Variants in BCAS3 observed in about 807,000 individuals in gnomAD.
The protein encoded by BCAS3 is BCAS3 microtubule associated cell migration factor.
Under a neutral mutation model 116.1 loss-of-function variants are expected in BCAS3, and 53 were observed. The observed-to-expected ratio is 0.46, with a 90% CI of 0.37 to 0.57. BCAS3 has a LOEUF of 0.57. BCAS3 is among the 20% of genes least tolerant of loss of function. BCAS3 has a pLI of 0.00. For synonymous variants in BCAS3, 391 were observed against 408.2 expected, an observed-to-expected ratio of 0.96 and a Z score of 0.51; for missense variants, 917 against 1,165.4, an observed-to-expected ratio of 0.79 and a Z score of 3.10.
At chr17:60,876,047 A>G (rs542069456) in intron 9 of BCAS3, among the ~76,000 whole-genome samples, 3 of 152,190 alleles carry the variant, frequency 2.0e-5, no homozygotes, top group African/African-American at 4.8e-5. Context: ...CCAAGTGATT[A>G]TATAATTATC....
At chr17:61,153,743 G>A (rs2077671563) in intron 22 of BCAS3, among the ~76,000 whole-genome samples, 1 of 151,712 alleles carries the variant, frequency 6.6e-6, no homozygotes, top group Non-Finnish European at 1.5e-5. Context: ...TCGTTTGTTT[G>A]GCTAAACTTT....
chr17:61,319,409 G>A (rs2055009670), intron 22 of BCAS3, among the ~76,000 whole-genome samples: 1 of 152,104 alleles, frequency 6.6e-6, no homozygotes, highest in African/African-American at 2.4e-5. Flanking sequence ...AATTCTGCTG[G>A]GATTAGTATG....
At position 61,279,481 on chromosome 17, in the gene BCAS3, C is replaced by T. The variant is rs1183766069; in HGVS notation, c.2426-88846C>T. ...TTCTTGAAGAGCAGCTTCTGCCTAGCCCATGGTGGCTAAGAGATTCACAAG... is the reference window on the plus strand; with the variant it reads ...TTCTTGAAGAGCAGCTTCTGCCTAGTCCATGGTGGCTAAGAGATTCACAAG... On this transcript the variant is annotated intron_variant, in intron 22 of 23. Transcript: ENST00000407086. This position sits in a 1 kb window ranked among gnomAD's most constrained non-coding sequence, Gnocchi z 4.4. 2.6e-5 allele frequency among the ~76,000 whole-genome samples: 4 copies of T among 152,062 alleles called. No individual in the cohort carries two copies.
At chr17:60,998,046 T>C (rs538772868) in intron 15 of BCAS3, among the ~76,000 whole-genome samples, 2 of 152,298 alleles carry the variant, frequency 1.3e-5, no homozygotes, top group East Asian at 3.9e-4. Flanking sequence ...CATCTTTGTG[T>C]CTGTATACAC....
chr17:61,195,474 C>G (rs2080422694), intron 22 of BCAS3, among the ~76,000 whole-genome samples: 1 of 152,174 alleles, frequency 6.6e-6, no homozygotes, highest in Non-Finnish European at 1.5e-5. Context: ...ATCCTCCTAC[C>G]TCAGCCTCCC....
intron 15 of BCAS3, among the ~76,000 whole-genome samples, chr17:60,991,766 A>G (rs993602417): frequency 6.6e-6 from 1 of 151,894 alleles, no homozygotes; most frequent in Admixed American, 6.6e-5. Context: ...TTAAGCACTT[A>G]CTCCTCATTC....
At chr17:61,033,052 G>A (rs1157850503) in intron 16 of BCAS3, among the ~76,000 whole-genome samples, 1 of 152,140 alleles carries the variant, frequency 6.6e-6, no homozygotes, top group African/African-American at 2.4e-5. Context: ...AAATGTCATA[G>A]GAACTGGGAA....
chr17:60,826,845 A>G (rs555019005), intron 7 of BCAS3, among the ~76,000 whole-genome samples: 2 of 152,346 alleles, frequency 1.3e-5, no homozygotes, highest in African/African-American at 2.4e-5. Flanking sequence ...AAAGAAGCCC[A>G]CAAAACAAAT....
intron 22 of BCAS3, among the ~76,000 whole-genome samples, chr17:61,169,638 CAG>C (rs1303126092): frequency 1.3e-5 from 2 of 152,106 alleles, no homozygotes; most frequent in South Asian, 2.1e-4. Context: ...TATAAATAAA[CAG>C]AAAGTCAGAA....
Position 61,316,824 on chromosome 17 carries a change from A to G in BCAS3, c.2426-51503A>G, listed in dbSNP as rs1205299229. The stretch of plus-strand genomic sequence containing the variant: ...TCATGTACAATAATTCCTGCCATGT[A>G]GGTTTATTAAATTAACAGTTGCAAT... On this transcript the variant is annotated intron_variant, in intron 22 of 23. Transcript: ENST00000407086. The surrounding 1 kb of genome is among the most constrained non-coding windows in gnomAD (Gnocchi z 5.8). 6.6e-6 allele frequency among the ~76,000 whole-genome samples: 1 copy of G among 152,126 alleles called. No individual in the cohort carries two copies. The highest frequency in any genetic ancestry group is 2.4e-5 in the African/African-American group (1 of 41,414).
intron 14 of BCAS3, among the ~76,000 whole-genome samples, chr17:60,963,336 T>G (rs552286944): frequency 2.0e-5 from 3 of 152,258 alleles, no homozygotes; most frequent in African/African-American, 7.2e-5. Flanking sequence ...TATTGTCGTT[T>G]TAACAGTATT....
chr17:61,116,253 T>TAAAA (rs1383214471), intron 22 of BCAS3, among the ~76,000 whole-genome samples: 6 of 30,950 alleles, frequency 1.9e-4, no homozygotes, highest in African/African-American at 3.6e-4. Flanking sequence ...AAAAAATAAA[T>TAAAA]AAATAAATAA....
rs539521367 is a variant in BCAS3 at position 61,381,488 on chromosome 17, C to T, written c.2594-10489C>T. ...GGACCCCAAAGAGGGCAACAGAGGC[C>T]GTGCCCCAACACCATTCCTTTGGCT... On this transcript the variant is annotated intron_variant, in intron 23 of 23. Transcript: ENST00000407086. The surrounding 1 kb of genome is among the most constrained non-coding windows in gnomAD (Gnocchi z 6.0). Among the ~76,000 whole-genome samples the T allele has an allele frequency of 2.8e-4, 42 of 152,276 alleles. No homozygotes were observed. The highest frequency in any genetic ancestry group is 9.1e-4 in the African/African-American group (38 of 41,562).
chr17:60,882,747 G>GT, intron 9 of BCAS3, among the ~76,000 whole-genome samples: 1 of 147,886 alleles, frequency 6.8e-6, no homozygotes, highest in Non-Finnish European at 1.5e-5. Context: ...AGATCAGATA[G>GT]TTGTAGGTAT....
Position 61,313,862 on chromosome 17 carries a change from G to A in BCAS3, c.2426-54465G>A, listed in dbSNP as rs2144789250. ...GATGTTTCAATGCCGCGGAGCCAGTGACCACACGTGGGCCTGCTGTCTCCT... is the reference window on the plus strand; with the variant it reads ...GATGTTTCAATGCCGCGGAGCCAGTAACCACACGTGGGCCTGCTGTCTCCT... On this transcript the variant is annotated intron_variant, in intron 22 of 23. Transcript: ENST00000407086. This position sits in a 1 kb window ranked among gnomAD's most constrained non-coding sequence, Gnocchi z 4.3. Among the ~76,000 whole-genome samples the A allele has an allele frequency of 6.6e-6, 1 of 152,330 alleles. No homozygotes were observed. Among genetic ancestry groups the A allele is most frequent in the Middle Eastern group, 3.4e-3 (1 of 294 alleles).
At chr17:60,751,043 G>A (rs1177688949) in intron 6 of BCAS3, among the ~76,000 whole-genome samples, 5 of 152,050 alleles carry the variant, frequency 3.3e-5, no homozygotes, top group African/African-American at 1.2e-4. Flanking sequence ...TTTAAGACGT[G>A]GAAGAAAAAG....
chr17:60,991,809 C>T (rs2063541724), intron 15 of BCAS3, among the ~76,000 whole-genome samples: 1 of 147,020 alleles, frequency 6.8e-6, no homozygotes, highest in South Asian at 2.1e-4. Flanking sequence ...AAACACCACT[C>T]TCTGCTTTGT....
intron 11 of BCAS3, among the ~76,000 whole-genome samples, chr17:60,908,319 T>C (rs768319182): frequency 1.3e-5 from 2 of 152,220 alleles, no homozygotes; most frequent in Non-Finnish European, 2.9e-5. Flanking sequence ...ACTTTTTATG[T>C]GCTCCAGTTC....
At chr17:61,294,688 C>T (rs974433509) in intron 22 of BCAS3, among the ~76,000 whole-genome samples, 1 of 152,102 alleles carries the variant, frequency 6.6e-6, no homozygotes, top group African/African-American at 2.4e-5. Flanking sequence ...CTCTTCTGTC[C>T]CTGTATTTGT....
Sources: allele counts gnomAD v4.1 joint callset (sites outside exome capture counted in the v4.1 genomes callset), GRCh38; gene constraint gnomAD v4.1.1; non-coding constraint Gnocchi (gnomAD v3.1); transcripts MANE v1.5; gene names NCBI Gene and HGNC (gene_info 2026-07-23, HGNC 2026-07-21).